The following CAD variants were observed in gnomAD, a reference collection of about 807,000 sequenced individuals.
CAD encodes carbamoyl-phosphate synthetase 2, aspartate transcarbamylase, and dihydroorotase.
CAD carries 81 observed loss-of-function variants against 237.2 expected under a neutral mutation model. The observed-to-expected ratio is 0.34, with a 90% CI of 0.29 to 0.41. The LOEUF is 0.41. Ranked by LOEUF, CAD falls within the 10% of genes least tolerant of loss-of-function variation. The probability of loss-of-function intolerance (pLI) is 1.00; values close to 1 mark genes in which losing one functional copy is unlikely to be tolerated. For synonymous variants in CAD, 1,196 were observed against 1,162.8 expected (o/e 1.03, Z -0.58); for missense variants, 2,181 against 2,951.7 (o/e 0.74, Z 6.05).
At chr2:27,238,385 A>G (rs1676128130) in intron 30 of CAD, 46 bp from the exon 31 acceptor site, 2 of 1,518,978 alleles carry the variant, frequency 1.3e-6, no homozygotes, top group Non-Finnish European at 1.8e-6. Flanking sequence ...GTGTAGGGCA[A>G]GGCATATGGG....
At position 27,242,563 on chromosome 2, in the gene CAD, A is replaced by G. The variant is rs1676372460; in HGVS notation, c.6223-57A>G. ...TCCAGAGGCTTTTAAAAGCTTGGAA[A>G]TGATGTCGGGGGGCACTCAGTCTGG... is the stretch of plus-strand genomic sequence containing the variant. On this transcript the variant is annotated intron_variant, in intron 40 of 43. Transcript: ENST00000264705. The surrounding 1 kb of genome is among the most constrained non-coding windows in gnomAD (Gnocchi z 6.4). 12 of 1,559,542 alleles carry G rather than the reference A, an allele frequency of 7.7e-6. No homozygotes were observed. The highest frequency in any genetic ancestry group is 1.2e-5 in the South Asian group (1 of 82,688).
In CAD at chr2:27,238,349, G is replaced by A; in HGVS notation, c.4861-82G>A. 11 of 1,465,630 alleles carry A rather than the reference G, an allele frequency of 7.5e-6. No homozygotes were observed. The South Asian group carries it at 1.4e-4, about 19-fold the overall frequency. 90.8% of individuals were successfully genotyped at this position (1,465,630 alleles called of 1,614,324 possible). A position where few individuals can be genotyped will look rare whatever the true frequency, so the allele number is the denominator to read the frequency against. ...GCAGGTCTACATCATCATTTTTTGA[G>A]CAGGGATGTTGGCCATTGGGACTTT... is the stretch of plus-strand genomic sequence containing the variant. On this transcript the variant is annotated intron_variant, in intron 30 of 43. Transcript: ENST00000264705.
intron 2 of CAD, 111 bp downstream of exon 2, chr2:27,218,127 C>T (rs1572417338): frequency 2.2e-6 from 2 of 917,278 alleles, no homozygotes; most frequent in East Asian, 5.7e-5. Context: ...AAAACATACC[C>T]ACTGAAGTAG....
rs960517463 is a variant in CAD at position 27,240,010 on chromosome 2, G to A, written c.5496+212G>A. The A allele has an allele frequency of 5.1e-6, 3 of 586,402 alleles. 1 individual carries two copies. The highest frequency in any genetic ancestry group is 8.9e-6 in the Non-Finnish European group (3 of 335,968). The allele number at this position is 586,402 out of a possible 1,614,324, so 36.3% of individuals were successfully genotyped here. ...AATCCCAGCACTTTGGGAGGCCAAG[G>A]CAGGCGGATCATCTGAGGTCAGGAG... is the stretch of plus-strand genomic sequence containing the variant. On this transcript the variant is annotated intron_variant, in intron 34 of 43. Transcript: ENST00000264705. The surrounding 1 kb of genome is among the most constrained non-coding windows in gnomAD (Gnocchi z 4.6).
chr2:27,236,340 G>C lies in CAD; in HGVS notation c.4131G>C (p.Gln1377His). 6.2e-7 allele frequency: 1 copy of C among 1,614,222 alleles called. No individual in the cohort carries two copies. Among genetic ancestry groups the C allele is most frequent in the Non-Finnish European group, 8.5e-7 (1 of 1,180,042 alleles). Residue 1377 changes from glutamine (Q) to histidine (H), a missense_variant, in exon 26 of 44, where the codon CAG becomes CAC. Physicochemically the swap from Gln to His is conservative, Grantham distance 24 (BLOSUM62 0). Coordinates refer to ENST00000264705, the MANE Select transcript of CAD (RefSeq NM_004341.5). The surrounding 1 kb of genome is among the most constrained non-coding windows in gnomAD (Gnocchi z 4.1). Reference protein sequence around the residue: ...EEAVDGECPPQRSILEQLAEK... With the variant: ...EEAVDGECPPHRSILEQLAEK... ...CTGTGGATGGTGAGTGCCCACCACA[G>C]CGGAGCATCCTGGAGCAGCTAGCTG...
Position 27,235,563 on chromosome 2 carries a change from C to T in CAD, c.3997C>T (p.Arg1333Trp), listed in dbSNP as rs1396370687. 3 of 1,614,006 alleles carry T rather than the reference C, an allele frequency of 1.9e-6. No homozygotes were observed. The highest frequency in any genetic ancestry group is 1.7e-6 in the Non-Finnish European group (2 of 1,179,998). Residue 1333 changes from arginine (R) to tryptophan (W), a missense_variant, in exon 25 of 44, where the codon CGG (arginine) becomes TGG (tryptophan). Arg to Trp is a moderately radical substitution (Grantham distance 101, BLOSUM62 -3). Around this residue, in one of 12 missense-constraint regions of CAD, gnomAD observed 306 missense variants for 607.9 expected, o/e 0.50. Transcript: ENST00000264705. This position sits in a 1 kb window ranked among gnomAD's most constrained non-coding sequence, Gnocchi z 5.2. ...KNKSELLPTV[R>W]LLESLGYSLY... ...CAAAAGCGAGCTGCTCCCAACTGTG[C>T]GGCTACTGGAGAGCCTGGGCTACAG...
intron 2 of CAD, among the ~76,000 whole-genome samples, chr2:27,219,537 G>A (rs1005258756): frequency 1.3e-5 from 2 of 151,312 alleles, no homozygotes; most frequent in African/African-American, 4.9e-5. Flanking sequence ...TAGAGACCGG[G>A]TATTGTCACA....
Position 27,232,421 on chromosome 2 carries a change from GTGTT to G in CAD, c.2646-25_2646-22del, listed in dbSNP as rs1558536821. The G allele has an allele frequency of 6.2e-7, 1 of 1,613,694 alleles. No homozygotes were observed. The highest frequency in any genetic ancestry group is 8.5e-7 in the Non-Finnish European group (1 of 1,179,888). ...AGTCTGTACCCTACTCTCTGGGCCTGTGTTTCAGACCCTTTTTCTATTTTAGCAC... is the reference window on the plus strand; with the variant it reads ...AGTCTGTACCCTACTCTCTGGGCCTGTCAGACCCTTTTTCTATTTTAGCAC... On this transcript the variant is annotated intron_variant, in intron 17 of 43. Coordinates refer to ENST00000264705, the MANE Select transcript of CAD (RefSeq NM_004341.5). The surrounding 1 kb of genome is among the most constrained non-coding windows in gnomAD (Gnocchi z 4.1).
Position 27,243,500 on chromosome 2 carries a change from C to T in CAD, c.6660C>T (p.Thr2220=), listed in dbSNP as rs2304684. 0.024 allele frequency: 39,099 copies of T among 1,596,882 alleles called. 860 individuals are homozygous for T. The highest frequency in any genetic ancestry group is 0.13 in the East Asian group (5,777 of 44,406). ...ACATCCGCATGGCTCTGTTAGCCAC[C>T]GTGCTGGGCCGTTTCTAGGGCCTGG... is the stretch of plus-strand genomic sequence containing the variant. ...GMYIRMALLA[T]VLGRF Residue 2220 remains threonine (T), a synonymous_variant, in exon 44 of 44, where the codon ACC becomes ACT. Coordinates refer to ENST00000264705, the MANE Select transcript of CAD (RefSeq NM_004341.5).
At chr2:27,228,427 CAG>C (rs2148070101) in intron 15 of CAD, among the ~76,000 whole-genome samples, 1 of 152,294 alleles carries the variant, frequency 6.6e-6, no homozygotes, top group Non-Finnish European at 1.5e-5. Flanking sequence ...TTATCCAAAA[CAG>C]AAAACATCAT....
rs1558537714 is a variant in CAD at position 27,233,301 on chromosome 2, C to T, written c.2992-11C>T. On this transcript the variant is annotated splice_polypyrimidine_tract_variant and intron_variant, in intron 19 of 43. Transcript: ENST00000264705. The surrounding 1 kb of genome is among the most constrained non-coding windows in gnomAD (Gnocchi z 6.3). The stretch of plus-strand genomic sequence containing the variant: ...TTGCTGCCACCACTTGTTTCTCCCC[C>T]TGCAACGTAGGTGGTGATGGACATC... 1.9e-6 allele frequency: 3 copies of T among 1,610,860 alleles called. No individual in the cohort carries two copies. In the South Asian group the frequency reaches 3.3e-5, roughly 18 times the overall value.
chr2:27,225,996 C>T (rs1232476951), intron 12 of CAD, 70 bp downstream of exon 12: 22 of 1,537,546 alleles, frequency 1.4e-5, no homozygotes, highest in Non-Finnish European at 2.0e-5. Flanking sequence ...GAGGCCCAGG[C>T]CAAGGTCTTT....
In CAD at chr2:27,235,558, C is replaced by T. The variant is rs1447686766; in HGVS notation, c.3992C>T (p.Thr1331Ile). ...SYKNKSELLP[T>I]VRLLESLGYS... Reference sequence around the variant, plus strand: ...CAGAACAAAAGCGAGCTGCTCCCAACTGTGCGGCTACTGGAGAGCCTGGGC... The same window carrying T: ...CAGAACAAAAGCGAGCTGCTCCCAATTGTGCGGCTACTGGAGAGCCTGGGC... Residue 1331 changes from threonine to isoleucine, a missense_variant, in exon 25 of 44, where the codon ACT becomes ATT. Around this residue, in one of 12 missense-constraint regions of CAD, gnomAD observed 306 missense variants for 607.9 expected, o/e 0.50. Coordinates refer to ENST00000264705, the MANE Select transcript of CAD (RefSeq NM_004341.5). The surrounding 1 kb of genome is among the most constrained non-coding windows in gnomAD (Gnocchi z 5.2). The T allele has an allele frequency of 1.2e-6, 2 of 1,614,190 alleles. No homozygotes were observed. Among genetic ancestry groups the T allele is most frequent in the African/African-American group, 1.3e-5 (1 of 75,042 alleles).
rs1322994743 is a variant in CAD, at chr2:27,225,207, T to C, written c.1584T>C (p.His528=). 12 of 1,613,570 alleles carry C rather than the reference T, an allele frequency of 7.4e-6. No individual in the cohort carries two copies. Among genetic ancestry groups the C allele is most frequent in the African/African-American group, 1.3e-5 (1 of 74,720 alleles). Residue 528 remains histidine (H), a synonymous_variant, in exon 11 of 44, where the codon CAT becomes CAC. Transcript: ENST00000264705. ...CCAGAATGGCAGAGATCGGAGAGCA[T>C]GTGGCCCCGAGCGAGGCAGCAAATT... ...FAARMAEIGE[H]VAPSEAANSL... is the part of the protein sequence containing the mutation.
chr2:27,234,389 C>G, intron 22 of CAD, 129 bp from the exon 23 acceptor site: 1 of 1,127,002 alleles, frequency 8.9e-7, no homozygotes, highest in Non-Finnish European at 1.3e-6. Context: ...GGGCTTATGA[C>G]AGTCAGTGAC....
Position 27,232,271 on chromosome 2 carries a change from A to G in CAD, c.2645+47A>G, listed in dbSNP as rs765610339. ...TTCCGGCTGGGAAATGTGGGGCAGA[A>G]CCTTTGTATCAGTGAGGGACCCTTG... On this transcript the variant is annotated intron_variant, in intron 17 of 43. Coordinates refer to ENST00000264705, the MANE Select transcript of CAD (RefSeq NM_004341.5). This position sits in a 1 kb window ranked among gnomAD's most constrained non-coding sequence, Gnocchi z 4.1. 20 of 1,607,402 alleles carry G rather than the reference A, an allele frequency of 1.2e-5. No individual in the cohort carries two copies. The South Asian group carries it at 2.2e-4, about 18-fold the overall frequency.
At position 27,221,322 on chromosome 2, in the gene CAD, G is replaced by A; in HGVS notation, c.327G>A (p.Gln109=). The change falls in exon 3 of 44, where the codon CAG becomes CAA. Residue 109 remains glutamine, a synonymous_variant. Coordinates refer to ENST00000264705, the MANE Select transcript of CAD (RefSeq NM_004341.5). Reference sequence around the variant, plus strand: ...CCCGCACCCTGCATGAGTGGCTGCAGCAGCATGGCATCCCTGGCTTGCAAG... The same window carrying A: ...CCCGCACCCTGCATGAGTGGCTGCAACAGCATGGCATCCCTGGCTTGCAAG... ...SATRTLHEWL[Q]QHGIPGLQGV... is the part of the protein sequence containing the mutation. 1 of 1,579,452 alleles carries A rather than the reference G, an allele frequency of 6.3e-7. No homozygotes were observed. Among genetic ancestry groups the A allele is most frequent in the Non-Finnish European group, 8.6e-7 (1 of 1,163,832 alleles).
At position 27,237,921 on chromosome 2, in the gene CAD, G is replaced by T; in HGVS notation, c.4728+39G>T. ...ATGTGGCAGGAGGCCACCACCCAGT[G>T]TCTCCTGGCTTGTGGGCCCCTGCCT... On this transcript the variant is annotated intron_variant, in intron 29 of 43. Coordinates refer to ENST00000264705, the MANE Select transcript of CAD (RefSeq NM_004341.5). This position sits in a 1 kb window ranked among gnomAD's most constrained non-coding sequence, Gnocchi z 4.0. 6.3e-7 allele frequency: 1 copy of T among 1,582,362 alleles called. No homozygotes were observed. Among genetic ancestry groups the T allele is most frequent in the Non-Finnish European group, 8.6e-7 (1 of 1,161,446 alleles).
chr2:27,234,025 C>T lies in CAD; in HGVS notation c.3417C>T (p.Ala1139=), dbSNP rs766045529. ...CCCGCTAGGAGATTGACGTGGATGC[C>T]GTGGCCTCTGATGGTGTGGTGGCAG... is the stretch of plus-strand genomic sequence containing the variant. ...IQEAKEIDVD[A]VASDGVVAAI... Residue 1139 remains alanine, a synonymous_variant, in exon 22 of 44, where the codon GCC becomes GCT. Coordinates refer to ENST00000264705, the MANE Select transcript of CAD (RefSeq NM_004341.5). 162 of 1,613,804 alleles carry T rather than the reference C, an allele frequency of 1.0e-4. No homozygotes were observed. The highest frequency in any genetic ancestry group is 1.3e-4 in the East Asian group (6 of 44,876).
Sources: gnomAD v4.1 joint callset for allele counts (sites outside exome capture counted in the v4.1 genomes callset) on GRCh38, gnomAD v4.1.1 for gene constraint, gnomAD v4.1.1 regional missense constraint, Gnocchi (gnomAD v3.1) non-coding constraint, MANE v1.5 for transcripts, NCBI Gene and HGNC (gene_info 2026-07-23, HGNC 2026-07-21) for gene names.